EMSY: variants seen among roughly 807,000 people sequenced by gnomAD.
EMSY encodes the protein EMSY transcriptional repressor, BRCA2 interacting.
Under a neutral mutation model 134.6 loss-of-function variants are expected in EMSY, and 26 were observed. That is an observed-to-expected ratio of 0.19 (90% CI 0.14 to 0.27). EMSY has a LOEUF of 0.27. Ranked by LOEUF, EMSY falls within the 10% of genes least tolerant of loss-of-function variation. The pLI is 1.00. For missense variants in EMSY, 1,305 were observed against 1,611.4 expected (o/e 0.81, Z 3.26); for synonymous variants, 579 against 577.8 (o/e 1.00, Z -0.03).
downstream of EMSY, chr11:76,552,035 A>G (rs1591047478): frequency 6.6e-6 from 1 of 152,230 alleles, no homozygotes; most frequent in Non-Finnish European, 1.5e-5. Context: ...ATGTTTCTGC[A>G]ATTGGAATGG....
At position 76,508,119 on chromosome 11, in the gene EMSY, C is replaced by T. The variant is rs377008557; in HGVS notation, c.1364-5267C>T. On this transcript the variant is annotated intron_variant, in intron 9 of 20. Coordinates refer to ENST00000334736, the Ensembl canonical transcript of EMSY. ...CTCCTGGGCTCAAACAATCCACCTG[C>T]CACAGCCTCCCAAAGTGCTGGGACT... Among the ~76,000 whole-genome samples the T allele has an allele frequency of 8.5e-5, 13 of 152,240 alleles. No homozygotes were observed. The South Asian group carries it at 1.5e-3, about 17-fold the overall frequency.
exon 6 of EMSY, chr11:76,459,994 T>G: frequency 6.2e-7 from 1 of 1,614,230 alleles, no homozygotes; most frequent in Non-Finnish European, 8.5e-7. Flanking sequence ...CTGTTCCAAG[T>G]GGCAGCATAG....
intron 14 of EMSY, among the ~76,000 whole-genome samples, chr11:76,535,330 C>A (rs1156711836): frequency 6.6e-6 from 1 of 152,104 alleles, no homozygotes; most frequent in African/African-American, 2.4e-5. Context: ...CATGCTGGTT[C>A]TAGATCATCT....
At chr11:76,552,250 A>C (rs898879126), downstream of EMSY, 1 of 152,208 alleles carries the variant, frequency 6.6e-6, no homozygotes, top group African/African-American at 2.4e-5. Flanking sequence ...AACAAACAGG[A>C]AATCCTATCC....
At chr11:76,487,996 T>TA (rs1245670220) in intron 8 of EMSY, among the ~76,000 whole-genome samples, 78 of 152,334 alleles carry the variant, frequency 5.1e-4, no homozygotes, top group African/African-American at 1.8e-3. Context: ...CATGACTTTT[T>TA]AAAAAATGTT....
chr11:76,449,368 A>G (rs1947557464), intron 2 of EMSY, among the ~76,000 whole-genome samples: 1 of 152,158 alleles, frequency 6.6e-6, no homozygotes. Flanking sequence ...TCAGAGTCCC[A>G]GTTTTGTGTG....
At chr11:76,550,141 T>C (rs1469671428) in exon 21 of EMSY, 1 of 1,609,780 alleles carries the variant, frequency 6.2e-7, no homozygotes. Context: ...TGCTGAACGG[T>C]CCTAGTGTTT....
At chr11:76,457,597 A>G (rs1043767955) in intron 4 of EMSY, among the ~76,000 whole-genome samples, 12 of 152,176 alleles carry the variant, frequency 7.9e-5, no homozygotes, top group African/African-American at 2.7e-4. Flanking sequence ...CAGGAAGGAT[A>G]ATAACAATAC....
At chr11:76,472,444 C>T in intron 7 of EMSY, 120 bp from the exon 9 acceptor site, 2 of 938,640 alleles carry the variant, frequency 2.1e-6, no homozygotes, top group Non-Finnish European at 3.1e-6. Context: ...TGTATATTCT[C>T]TGTTGAATTG....
At chr11:76,481,972 G>A (rs1246552749) in intron 8 of EMSY, among the ~76,000 whole-genome samples, 1 of 152,190 alleles carries the variant, frequency 6.6e-6, no homozygotes, top group African/African-American at 2.4e-5. Flanking sequence ...CCCAGTAGGG[G>A]TTGATAGACA....
chr11:76,526,778 C>G (rs1455844554), intron 13 of EMSY, 143 bp downstream of exon 14: 2 of 797,020 alleles, frequency 2.5e-6, no homozygotes, highest in Non-Finnish European at 3.8e-6. Context: ...GTTAATTATT[C>G]AAGTATTGTC....
chr11:76,496,287 C>T (rs2135804870), exon 9 of EMSY: 1 of 1,614,174 alleles, frequency 6.2e-7, no homozygotes, highest in African/African-American at 1.3e-5. Flanking sequence ...AGTGCCCCAA[C>T]TCAGATTCTT....
intron 7 of EMSY, among the ~76,000 whole-genome samples, chr11:76,468,212 T>C (rs1049428265): frequency 2.6e-5 from 4 of 152,036 alleles, no homozygotes; most frequent in African/African-American, 9.7e-5. Context: ...ATAGTTGAGG[T>C]TTTCAGACTT....
intron 17 of EMSY, 149 bp downstream of exon 18, chr11:76,539,789 G>T: frequency 1.3e-6 from 1 of 750,198 alleles, no homozygotes; most frequent in South Asian, 1.7e-5. Context: ...TTCTTTTGTA[G>T]AATAGTGGAA....
chr11:76,471,664 G>C (rs1164824200), intron 7 of EMSY, among the ~76,000 whole-genome samples: 1 of 151,986 alleles, frequency 6.6e-6, no homozygotes, highest in African/African-American at 2.4e-5. Flanking sequence ...CTCATGATTA[G>C]ACTATGATTA....
At chr11:76,493,275 C>T (rs959097821) in intron 8 of EMSY, among the ~76,000 whole-genome samples, 2 of 152,190 alleles carry the variant, frequency 1.3e-5, no homozygotes, top group Admixed American at 6.5e-5. Flanking sequence ...CCAATGAGCA[C>T]GGGAAGGAGG....
intron 8 of EMSY, among the ~76,000 whole-genome samples, chr11:76,474,620 T>C (rs1008753999): frequency 1.3e-5 from 2 of 152,246 alleles, no homozygotes; most frequent in Non-Finnish European, 2.9e-5. Flanking sequence ...CATTATTTTC[T>C]AGTTCTGATA....
At chr11:76,518,999 A>G (rs1950554292) in intron 11 of EMSY, among the ~76,000 whole-genome samples, 1 of 151,696 alleles carries the variant, frequency 6.6e-6, no homozygotes, top group Non-Finnish European at 1.5e-5. Context: ...TACTTTCTAG[A>G]AAGTTCTTTT....
rs746579706 is a variant in EMSY at position 76,472,545 on chromosome 11, C to G, written c.832-19C>G. The G allele has an allele frequency of 1.4e-5, 23 of 1,601,966 alleles. No individual in the cohort carries two copies. The Admixed American group carries it at 3.9e-4, about 27-fold the overall frequency. On this transcript the variant is annotated intron_variant, in intron 7 of 20. Coordinates refer to ENST00000334736, the Ensembl canonical transcript of EMSY. ...TAGTTTAGTAGGTACATAAAAATAA[C>G]TTATTTTTTATTCCTTAGGTTATTA...
Sources: allele counts gnomAD v4.1 joint callset (sites outside exome capture counted in the v4.1 genomes callset), GRCh38; gene constraint gnomAD v4.1.1; transcripts MANE v1.5; gene names NCBI Gene and HGNC (gene_info 2026-07-23, HGNC 2026-07-21).